Variants in MYO1D observed in about 807,000 individuals in gnomAD.
The protein encoded by MYO1D is myosin ID.
A neutral mutation model predicts 122.0 loss-of-function variants in MYO1D; 83 were observed. The ratio of observed to expected loss-of-function variants is 0.68; its 90% CI spans 0.57 to 0.82. The LOEUF (loss-of-function observed/expected upper bound fraction) is 0.82, where lower values mean the gene tolerates loss of function less well. Ranked by LOEUF, MYO1D falls within the 40% of genes least tolerant of loss-of-function variation. The pLI is 0.00. For synonymous variants in MYO1D, 464 were observed against 446.9 expected, an observed-to-expected ratio of 1.04 and a Z score of -0.48; for missense variants, 1,157 against 1,269.5, an observed-to-expected ratio of 0.91 and a Z score of 1.35.
chr17:32,609,397 T>C (rs2087671152), intron 20 of MYO1D, among the ~76,000 whole-genome samples: 1 of 152,152 alleles, frequency 6.6e-6, no homozygotes, highest in African/African-American at 2.4e-5. Context: ...GTGCAGAAGA[T>C]GCTGAGAATG....
In MYO1D at chr17:32,638,813, T is replaced by C. The variant is rs200682843; in HGVS notation, c.2618A>G (p.Glu873Gly). 4 of 1,613,510 alleles carry C rather than the reference T, an allele frequency of 2.5e-6. No homozygotes were observed. In the South Asian group the frequency reaches 4.4e-5, roughly 18 times the overall value. ...VRKVNRFSKVEDRAIFVTDRH... is the reference protein window; with the variant it reads ...VRKVNRFSKVGDRAIFVTDRH... ...GTCAGTGACAAAAATTGCTCTGTCT[T>C]CCACCTTACTAAATCGATTTACCTG... The change falls in exon 20 of 22, where the codon GAA becomes GGA. Residue 873 changes from glutamate to glycine, a missense_variant. Glu to Gly is a moderately conservative substitution (Grantham distance 98). Transcript: ENST00000318217.
At chr17:32,639,133 A>T (rs1017073538) in intron 19 of MYO1D, among the ~76,000 whole-genome samples, 15 of 152,178 alleles carry the variant, frequency 9.9e-5, no homozygotes, top group Admixed American at 7.9e-4. Flanking sequence ...AACTTTGAAA[A>T]TCATATATCT....
intron 1 of MYO1D, among the ~76,000 whole-genome samples, chr17:32,859,632 C>T (rs145558949): frequency 1.1e-4 from 16 of 152,302 alleles, no homozygotes; most frequent in African/African-American, 3.8e-4. Context: ...TTTGGGGTCT[C>T]CCAGAATAAA....
chr17:32,788,122 GATT>G (rs1282807121), intron 1 of MYO1D, among the ~76,000 whole-genome samples: 1 of 152,116 alleles, frequency 6.6e-6, no homozygotes, highest in Non-Finnish European at 1.5e-5. Flanking sequence ...CCAGTAGTGG[GATT>G]ACTGAATCAA....
In MYO1D at chr17:32,864,007, C is replaced by CTTTTTTTTTTTTTTT. The variant is rs560953120; in HGVS notation, c.95+12756_95+12770dup. On this transcript the variant is annotated intron_variant, in intron 1 of 21. Transcript: ENST00000318217. ...TAATTTTGGTTACAAACATTTCTTC[C>CTTTTTTTTTTTTTTT]TTTTTTTTTTTTTTTTTTTTTTTTT... is the stretch of plus-strand genomic sequence containing the variant. 1.3e-3 allele frequency among the ~76,000 whole-genome samples: 65 copies of CTTTTTTTTTTTTTTT among 48,976 alleles called. 23 individuals carry two copies. Among genetic ancestry groups the CTTTTTTTTTTTTTTT allele is most frequent in the East Asian group, 5.3e-3 (4 of 752 alleles). The allele number at this position is 48,976 out of a possible 152,430, so 32.1% of individuals were successfully genotyped here.
At position 32,780,778 on chromosome 17, in the gene MYO1D, T is replaced by A. The variant is rs2090228989; in HGVS notation, c.102A>T (p.Glu34Asp). 1 of 1,614,016 alleles carries A rather than the reference T, an allele frequency of 6.2e-7. No individual in the cohort carries two copies. Among genetic ancestry groups the A allele is most frequent in the African/African-American group, 1.3e-5 (1 of 74,920 alleles). The change falls in exon 2 of 22, where the codon GAA (glutamate) becomes GAT (aspartate). Residue 34 changes from glutamate to aspartate, a missense_variant. Glu to Asp is a conservative substitution (Grantham distance 45, BLOSUM62 2). Coordinates refer to ENST00000318217, the MANE Select transcript of MYO1D (RefSeq NM_015194.3). The stretch of plus-strand genomic sequence containing the variant: ...CAATGAACGTATAGATGCGCCCTTT[T>A]TCAAATCTGTACAGAAGCAAAAGAA... ...EFMANLRLRF[E>D]KGRIYTFIGE...
intron 21 of MYO1D, among the ~76,000 whole-genome samples, chr17:32,572,317 T>C (rs2087238948): frequency 6.6e-6 from 1 of 152,052 alleles, no homozygotes. Flanking sequence ...GATCTCTGGA[T>C]TTTACCTCCC....
intron 21 of MYO1D, among the ~76,000 whole-genome samples, 198 bp downstream of exon 21, chr17:32,604,889 A>G (rs1405460343): frequency 6.6e-6 from 1 of 152,242 alleles, no homozygotes; most frequent in Non-Finnish European, 1.5e-5. Flanking sequence ...GGAGGCTGGA[A>G]AAGTAGAGGA....
chr17:32,639,592 G>A (rs987028803), intron 19 of MYO1D, among the ~76,000 whole-genome samples: 15 of 152,064 alleles, frequency 9.9e-5, no homozygotes, highest in Admixed American at 9.8e-4. Flanking sequence ...ATAGTGTGTA[G>A]TGGCTCAAGC....
chr17:32,571,332 C>T (rs1336831598), intron 21 of MYO1D, among the ~76,000 whole-genome samples: 1 of 152,134 alleles, frequency 6.6e-6, no homozygotes. Flanking sequence ...CCTGGCAACC[C>T]CGCCTCTGGC....
At chr17:32,646,985 C>T (rs1290243543) in intron 19 of MYO1D, among the ~76,000 whole-genome samples, 1 of 152,144 alleles carries the variant, frequency 6.6e-6, no homozygotes, top group Non-Finnish European at 1.5e-5. Context: ...AGATTATAGA[C>T]TCTGTATTAG....
chr17:32,781,325 A>G (rs2090235963), intron 1 of MYO1D, among the ~76,000 whole-genome samples: 1 of 152,190 alleles, frequency 6.6e-6, no homozygotes, highest in Non-Finnish European at 1.5e-5. Flanking sequence ...ATGACTGCCT[A>G]AAGTTCCATG....
At chr17:32,651,322 T>C (rs2080739) in intron 19 of MYO1D, among the ~76,000 whole-genome samples, 101,707 of 152,084 alleles carry the variant, frequency 0.67, 34,254 homozygotes, top group Middle Eastern at 0.74. Flanking sequence ...TATGTGCTGA[T>C]CAGTACTCAG....
chr17:32,858,193 A>T (rs1567674677), intron 1 of MYO1D, among the ~76,000 whole-genome samples: 1 of 152,228 alleles, frequency 6.6e-6, no homozygotes, highest in Non-Finnish European at 1.5e-5. Flanking sequence ...AGTTTCAATA[A>T]GTTCACATGA....
intron 21 of MYO1D, among the ~76,000 whole-genome samples, chr17:32,507,428 A>C (rs1402032196): frequency 6.6e-6 from 1 of 152,014 alleles, no homozygotes; most frequent in Non-Finnish European, 1.5e-5. Flanking sequence ...AAAAACAAAA[A>C]ACTTGGGTGT....
chr17:32,822,895 G>T (rs541169497), intron 1 of MYO1D, among the ~76,000 whole-genome samples: 41 of 152,104 alleles, frequency 2.7e-4, no homozygotes, highest in African/African-American at 8.9e-4. Flanking sequence ...GACGAGTTAA[G>T]GGGTGCAGCA....
chr17:32,678,248 A>T (rs1306881290), intron 16 of MYO1D, among the ~76,000 whole-genome samples: 1 of 113,382 alleles, frequency 8.8e-6, no homozygotes, highest in South Asian at 3.1e-4. Flanking sequence ...TCTCAAAAAT[A>T]TATTTCTTTT....
intron 18 of MYO1D, 66 bp downstream of exon 18, chr17:32,654,411 G>C (rs1350604792): frequency 6.7e-7 from 1 of 1,493,092 alleles, no homozygotes; most frequent in African/African-American, 1.4e-5. Flanking sequence ...ATTCTTTGGA[G>C]ATATGTACTT....
At chr17:32,564,374 A>G (rs12942494) in intron 21 of MYO1D, among the ~76,000 whole-genome samples, 34,631 of 152,106 alleles carry the variant, frequency 0.23, 4,114 homozygotes, top group African/African-American at 0.29. Flanking sequence ...GTCACCTGGG[A>G]AAATCTTGGT....
Sources: gnomAD v4.1 joint callset for allele counts (sites outside exome capture counted in the v4.1 genomes callset) on GRCh38, gnomAD v4.1.1 for gene constraint, MANE v1.5 for transcripts, NCBI Gene and HGNC (gene_info 2026-07-23, HGNC 2026-07-21) for gene names.